NAV3: variants seen among roughly 807,000 people sequenced by gnomAD.
NAV3 encodes neuron navigator 3, also known as pore membrane and/or filament interacting like protein 1.
Under a neutral mutation model 244.7 loss-of-function variants are expected in NAV3, and 87 were observed. The ratio of observed to expected loss-of-function variants is 0.36; its 90% CI spans 0.30 to 0.42. The LOEUF (loss-of-function observed/expected upper bound fraction) is 0.42, where lower values mean the gene tolerates loss of function less well. Ranked by LOEUF, NAV3 falls within the 20% of genes least tolerant of loss-of-function variation. The pLI, the probability that NAV3 is intolerant of heterozygous loss-of-function variation, is 1.00. For synonymous variants in NAV3, 1,126 were observed against 1,042.2 expected, an observed-to-expected ratio of 1.08 and a Z score of -1.55; for missense variants, 2,663 against 2,893.3, an observed-to-expected ratio of 0.92 and a Z score of 1.83.
intron 2 of NAV3, among the ~76,000 whole-genome samples, chr12:77,684,288 G>A (rs368053133): frequency 6.9e-6 from 1 of 144,314 alleles, no homozygotes. Flanking sequence ...ATTATTTATT[G>A]TTGTTATTTA....
At chr12:77,853,098 A>C (rs1350297313) in intron 1 of NAV3, among the ~76,000 whole-genome samples, 1 of 152,334 alleles carries the variant, frequency 6.6e-6, no homozygotes. Context: ...CTTTCTTACT[A>C]ACCTGAATGC....
At chr12:77,589,193 A>C (rs1291466608) in intron 2 of NAV3, among the ~76,000 whole-genome samples, 1 of 152,162 alleles carries the variant, frequency 6.6e-6, no homozygotes, top group East Asian at 1.9e-4. Flanking sequence ...CTTTGGGAAG[A>C]GGAAGACAAT....
chr12:77,894,033 T>C (rs774853567), intron 1 of NAV3, among the ~76,000 whole-genome samples: 18 of 152,186 alleles, frequency 1.2e-4, no homozygotes, highest in Non-Finnish European at 2.6e-4. Flanking sequence ...TCCTTGACCC[T>C]TACCTGGTTT....
At chr12:77,673,377 A>C (rs956345156) in intron 2 of NAV3, among the ~76,000 whole-genome samples, 4 of 152,116 alleles carry the variant, frequency 2.6e-5, no homozygotes, top group Non-Finnish European at 5.9e-5. Flanking sequence ...TATATATAGT[A>C]ATTTCTTCTT....
intron 36 of NAV3, 112 bp downstream of exon 36, chr12:78,198,788 A>G: frequency 2.7e-6 from 2 of 752,140 alleles, no homozygotes; most frequent in East Asian, 2.6e-5. Context: ...TTGTTTTTCC[A>G]TTTGTACTTT....
chr12:78,196,567 A>T (rs1298943766), intron 34 of NAV3, among the ~76,000 whole-genome samples: 1 of 152,062 alleles, frequency 6.6e-6, no homozygotes, highest in Non-Finnish European at 1.5e-5. Flanking sequence ...GCAGTCAATC[A>T]GCAAACTGGT....
intron 2 of NAV3, among the ~76,000 whole-genome samples, chr12:77,572,840 G>A (rs1018022228): frequency 1.3e-5 from 2 of 152,244 alleles, no homozygotes; most frequent in Non-Finnish European, 2.9e-5. Context: ...TTAAAAGAAA[G>A]CGTTTAGCGA....
At chr12:77,718,806 C>A (rs769551434) in intron 2 of NAV3, among the ~76,000 whole-genome samples, 4 of 151,732 alleles carry the variant, frequency 2.6e-5, no homozygotes, top group Non-Finnish European at 5.9e-5. Context: ...TACAGGCATG[C>A]ACCACCATGC....
chr12:78,119,349 G>C lies in NAV3; in HGVS notation c.3153G>C (p.Lys1051Asn). ...AAAGCAGTGGAGATGAAGGGAAAAA[G>C]CCCCCCTCAGGCATTGGAAGATCGA... ...AGKSSGDEGK[K>N]PPSGIGRSTA... is the part of the protein sequence containing the mutation. The change falls in exon 15 of 40, where the codon AAG (lysine) becomes AAC (asparagine). Residue 1051 changes from lysine (K) to asparagine (N), a missense_variant. Around this residue, in one of 6 missense-constraint regions of NAV3, gnomAD observed 1,521 missense variants for 1,497.0 expected, o/e 1.02. Transcript: ENST00000397909. The C allele has an allele frequency of 2.5e-6, 4 of 1,614,092 alleles. No homozygotes were observed. The highest frequency in any genetic ancestry group is 3.4e-6 in the Non-Finnish European group (4 of 1,180,010).
chr12:78,019,924 G>T (rs890644384), intron 8 of NAV3, among the ~76,000 whole-genome samples: 35 of 152,140 alleles, frequency 2.3e-4, no homozygotes, highest in Admixed American at 2.3e-3. Context: ...CAGCCAAGAA[G>T]AAATGTCAAT....
intron 13 of NAV3, among the ~76,000 whole-genome samples, chr12:78,117,598 A>G (rs1243500882): frequency 6.6e-6 from 1 of 150,876 alleles, no homozygotes; most frequent in East Asian, 1.9e-4. Flanking sequence ...ATCTCTCCTT[A>G]CAATATCGAT....
chr12:78,016,765 T>C (rs1876286169), intron 8 of NAV3, among the ~76,000 whole-genome samples: 1 of 152,158 alleles, frequency 6.6e-6, no homozygotes, highest in South Asian at 2.1e-4. Context: ...AAATATTTCT[T>C]GAATACAAAT....
intron 31 of NAV3, among the ~76,000 whole-genome samples, chr12:78,185,913 T>C (rs937530810): frequency 6.6e-6 from 1 of 151,888 alleles, no homozygotes; most frequent in African/African-American, 2.4e-5. Context: ...ATTCATTCAC[T>C]GAAAATAATA....
chr12:77,691,243 G>A (rs952116), intron 2 of NAV3, among the ~76,000 whole-genome samples: 119,358 of 146,780 alleles, frequency 0.81, 50,964 homozygotes, highest in East Asian at 1. Flanking sequence ...ACATTTCTGG[G>A]AATTTTCTGA....
At chr12:77,825,694 T>G (rs1337131733) in intron 2 of NAV3, among the ~76,000 whole-genome samples, 1 of 152,046 alleles carries the variant, frequency 6.6e-6, no homozygotes, top group East Asian at 1.9e-4. Flanking sequence ...GGACCCCCAC[T>G]CACAAGACTG....
intron 12 of NAV3, among the ~76,000 whole-genome samples, chr12:78,081,431 C>A (rs1382929096): frequency 6.6e-6 from 1 of 152,142 alleles, no homozygotes; most frequent in Non-Finnish European, 1.5e-5. Context: ...CCCTGGATTG[C>A]AACCCTTTAT....
At chr12:77,937,878 A>G (rs1211719706) in intron 1 of NAV3, among the ~76,000 whole-genome samples, 1 of 152,226 alleles carries the variant, frequency 6.6e-6, no homozygotes, top group East Asian at 1.9e-4. Context: ...TTTCATGACT[A>G]GCTTTGTGAC....
intron 33 of NAV3, 96 bp from the exon 34 acceptor site, chr12:78,189,888 C>A: frequency 1.1e-6 from 1 of 886,876 alleles, no homozygotes; most frequent in Non-Finnish European, 1.8e-6. Flanking sequence ...GACTCTATTC[C>A]TATGACTAAC....
intron 5 of NAV3, among the ~76,000 whole-genome samples, chr12:77,976,662 CTTTCTTTTTTTCT>C (rs1868442987): frequency 1.3e-5 from 1 of 77,400 alleles, no homozygotes; most frequent in African/African-American, 5.0e-5. Flanking sequence ...TTCTTTCTTT[CTTTCTTTTTTTCT>C]TTTTTTTTTT....
Sources: allele counts gnomAD v4.1 joint callset (sites outside exome capture counted in the v4.1 genomes callset), GRCh38; gene constraint gnomAD v4.1.1; regional missense constraint gnomAD v4.1.1; transcripts MANE v1.5; gene names NCBI Gene and HGNC (gene_info 2026-07-23, HGNC 2026-07-21).